The following RNLS variants were observed in gnomAD, a reference collection of about 807,000 sequenced individuals.
RNLS encodes the protein renalase, FAD dependent amine oxidase.
In RNLS, 39 loss-of-function variants were observed where a neutral mutation model predicts 39.8. That is an observed-to-expected ratio of 0.98 (90% CI 0.76 to 1.28). The LOEUF (loss-of-function observed/expected upper bound fraction) is 1.28, where lower values mean the gene tolerates loss of function less well. Among genes scored for constraint, RNLS ranks in the 50% most tolerant of loss-of-function variants. The pLI, the probability that RNLS is intolerant of heterozygous loss-of-function variation, is 0.00. For missense variants in RNLS, 410 were observed against 413.3 expected, an observed-to-expected ratio of 0.99 and a Z score of 0.07; for synonymous variants, 147 against 150.7, an observed-to-expected ratio of 0.98 and a Z score of 0.18.
chr10:88,229,132 CTAAAAA>C, the RNLS span, among the ~76,000 whole-genome samples: 1 of 152,146 alleles, frequency 6.6e-6, no homozygotes, highest in African/African-American at 2.4e-5. Flanking sequence ...TTCATAAGGT[CTAAAAA>C]TAAAAGATCT....
At chr10:88,458,235 G>A (rs1842747523) in intron 4 of RNLS, among the ~76,000 whole-genome samples, 1 of 152,152 alleles carries the variant, frequency 6.6e-6, no homozygotes, top group South Asian at 2.1e-4. Flanking sequence ...CAACTAGGTA[G>A]TGCCACATCC....
downstream of RNLS, chr10:88,283,991 G>T: frequency 3.1e-6 from 1 of 322,254 alleles, no homozygotes; most frequent in Non-Finnish European, 4.5e-6. Context: ...ACAAATGTTA[G>T]TCAAATATGG....
At chr10:88,180,983 C>T in the RNLS span, among the ~76,000 whole-genome samples, 8 of 152,112 alleles carry the variant, frequency 5.3e-5, no homozygotes, top group South Asian at 1.4e-3. Flanking sequence ...TACTGCTACC[C>T]TATTGTGATA....
chr10:88,254,681 T>G, the RNLS span, among the ~76,000 whole-genome samples: 2 of 152,266 alleles, frequency 1.3e-5, no homozygotes, highest in Admixed American at 6.5e-5. Flanking sequence ...CATGGAACAT[T>G]TGTGATGTAT....
chr10:88,239,810 G>C, the RNLS span, among the ~76,000 whole-genome samples: 1 of 152,170 alleles, frequency 6.6e-6, no homozygotes, highest in Admixed American at 6.5e-5. Flanking sequence ...GGACTTACAT[G>C]GTTATCATCA....
chr10:88,487,233 TA>T (rs1377898728), intron 4 of RNLS, among the ~76,000 whole-genome samples: 1 of 151,942 alleles, frequency 6.6e-6, no homozygotes, highest in Non-Finnish European at 1.5e-5. Context: ...GAGACAAGCA[TA>T]AAATATACCT....
intron 5 of RNLS, among the ~76,000 whole-genome samples, chr10:88,361,790 T>G (rs959208308): frequency 2.0e-5 from 3 of 152,186 alleles, no homozygotes; most frequent in African/African-American, 7.2e-5. Context: ...TGTAACAGAT[T>G]GACAGGACAA....
At chr10:88,362,478 C>A (rs1163292629) in intron 5 of RNLS, 74 bp downstream of exon 5, 6 of 1,357,470 alleles carry the variant, frequency 4.4e-6, no homozygotes, top group Non-Finnish European at 6.1e-6. Context: ...TGGCAACACT[C>A]AATTAAACAG....
intron 4 of RNLS, among the ~76,000 whole-genome samples, chr10:88,558,553 C>T (rs1848997010): frequency 6.6e-6 from 1 of 152,062 alleles, no homozygotes; most frequent in African/African-American, 2.4e-5. Flanking sequence ...TGAGTAATAA[C>T]TGCAATAACA....
At chr10:88,323,202 T>C (rs1187650613) in intron 5 of RNLS, among the ~76,000 whole-genome samples, 1 of 152,194 alleles carries the variant, frequency 6.6e-6, no homozygotes, top group Admixed American at 6.5e-5. Context: ...AAAATGATTA[T>C]ACTGCCCAAA....
intron 4 of RNLS, among the ~76,000 whole-genome samples, chr10:88,379,033 CAATAGGTTTATTT>C (rs922912217): frequency 2.0e-5 from 3 of 152,100 alleles, no homozygotes; most frequent in African/African-American, 7.2e-5. Flanking sequence ...ACTGGCAAAG[CAATAGGTTTATTT>C]ACAGCAGCAT....
At chr10:88,220,231 C>T in the RNLS span, among the ~76,000 whole-genome samples, 1 of 152,172 alleles carries the variant, frequency 6.6e-6, no homozygotes, top group African/African-American at 2.4e-5. Flanking sequence ...CCCTCAATTC[C>T]ACCCACGGCT....
chr10:88,385,268 A>C lies in RNLS; in HGVS notation c.527-22543T>G, dbSNP rs190413271. Reference sequence around the variant, plus strand: ...GGTGTTGGTGGATAAAAAGACTCTGAAAGTACATCCAGTCAAATTTGAATT... The same window carrying C: ...GGTGTTGGTGGATAAAAAGACTCTGCAAGTACATCCAGTCAAATTTGAATT... On this transcript the variant is annotated intron_variant, in intron 4 of 6. Transcript: ENST00000331772. 6.6e-5 allele frequency among the ~76,000 whole-genome samples: 10 copies of C among 152,386 alleles called. No individual in the cohort carries two copies. The East Asian group carries it at 1.7e-3, about 26-fold the overall frequency.
At chr10:88,372,151 G>C (rs1355155384) in intron 4 of RNLS, among the ~76,000 whole-genome samples, 2 of 152,026 alleles carry the variant, frequency 1.3e-5, no homozygotes, top group African/African-American at 4.8e-5. Context: ...GCCATACTGG[G>C]GGCAGATGTC....
intron 2 of RNLS, 62 bp downstream of exon 2, chr10:88,582,140 A>C: frequency 1.5e-6 from 2 of 1,300,456 alleles, no homozygotes; most frequent in Non-Finnish European, 1.1e-6. Context: ...TCTAATCTTC[A>C]CAACAACCCT....
chr10:88,361,283 C>G (rs1787639450), intron 5 of RNLS, among the ~76,000 whole-genome samples: 1 of 152,206 alleles, frequency 6.6e-6, no homozygotes, highest in African/African-American at 2.4e-5. Context: ...CAACCTATGT[C>G]TGTGGAGGAG....
At chr10:88,462,651 T>A (rs1219460043) in intron 4 of RNLS, among the ~76,000 whole-genome samples, 1 of 151,946 alleles carries the variant, frequency 6.6e-6, no homozygotes, top group South Asian at 2.1e-4. Flanking sequence ...AATACTACAA[T>A]AGAGGCATGT....
the RNLS span, among the ~76,000 whole-genome samples, chr10:88,207,134 G>T: frequency 6.6e-6 from 1 of 152,222 alleles, no homozygotes; most frequent in Non-Finnish European, 1.5e-5. Flanking sequence ...AGATTTCTTA[G>T]ATAGAACATC....
intron 5 of RNLS, among the ~76,000 whole-genome samples, chr10:88,317,220 A>G (rs574338070): frequency 1.4e-4 from 21 of 152,342 alleles, no homozygotes; most frequent in African/African-American, 5.1e-4. Flanking sequence ...GAACCTCTGC[A>G]TCCTTTAATA....
Sources: allele counts gnomAD v4.1 joint callset (sites outside exome capture counted in the v4.1 genomes callset), GRCh38; gene constraint gnomAD v4.1.1; transcripts MANE v1.5; gene names NCBI Gene and HGNC (gene_info 2026-07-23, HGNC 2026-07-21).